INPP4B: variants seen among roughly 807,000 people sequenced by gnomAD.
The protein encoded by INPP4B is inositol polyphosphate-4-phosphatase type II B.
Under a neutral mutation model 122.5 loss-of-function variants are expected in INPP4B, and 55 were observed. That is an observed-to-expected ratio of 0.45 (90% CI 0.36 to 0.56). The LOEUF (loss-of-function observed/expected upper bound fraction) is 0.56. Among genes scored for constraint, INPP4B ranks in the 20% least tolerant of loss-of-function variants. The probability of loss-of-function intolerance (pLI) is 0.00; values close to 1 mark genes in which losing one functional copy is unlikely to be tolerated. For synonymous variants in INPP4B, 403 were observed against 388.7 expected, an observed-to-expected ratio of 1.04 and a Z score of -0.43; for missense variants, 1,000 against 1,097.7, an observed-to-expected ratio of 0.91 and a Z score of 1.26.
intron 14 of INPP4B, among the ~76,000 whole-genome samples, chr4:142,205,563 A>G (rs1032150620): frequency 6.6e-6 from 1 of 152,126 alleles, no homozygotes; most frequent in African/African-American, 2.4e-5. Context: ...CCAGTGATGG[A>G]AAATGCCACA....
intron 12 of INPP4B, among the ~76,000 whole-genome samples, chr4:142,218,849 TAGTC>T (rs1485139958): frequency 8.5e-5 from 13 of 152,178 alleles, no homozygotes; most frequent in African/African-American, 3.1e-4. Flanking sequence ...AAATACTAAA[TAGTC>T]AGTGAAGAAT....
intron 7 of INPP4B, among the ~76,000 whole-genome samples, chr4:142,325,538 A>T (rs892759780): frequency 2.4e-4 from 37 of 152,008 alleles, no homozygotes; most frequent in Non-Finnish European, 5.9e-5. Context: ...TCAAATGTCA[A>T]AGCACACTCT....
intron 2 of INPP4B, among the ~76,000 whole-genome samples, chr4:142,517,175 CT>C (rs961988779): frequency 1.4e-4 from 22 of 152,018 alleles, no homozygotes; most frequent in African/African-American, 5.3e-4. Flanking sequence ...GAGTTCCTTG[CT>C]CCCACAACAA....
At chr4:142,139,422 T>C (rs905176229) in intron 18 of INPP4B, among the ~76,000 whole-genome samples, 2 of 152,144 alleles carry the variant, frequency 1.3e-5, no homozygotes, top group Non-Finnish European at 2.9e-5. Context: ...TTCTCTAGCC[T>C]CAGCCTCCCG....
chr4:142,643,695 T>C (rs1156503667), intron 2 of INPP4B, among the ~76,000 whole-genome samples: 1 of 152,216 alleles, frequency 6.6e-6, no homozygotes, highest in Non-Finnish European at 1.5e-5. Context: ...TATTTGCCTG[T>C]ACCTTCTTCA....
intron 15 of INPP4B, among the ~76,000 whole-genome samples, chr4:142,191,918 T>C (rs1348627732): frequency 6.6e-6 from 1 of 152,168 alleles, no homozygotes; most frequent in Non-Finnish European, 1.5e-5. Context: ...GTAGTTTATA[T>C]ATTTGTATAA....
chr4:142,416,376 C>G (rs1805773838), intron 5 of INPP4B, among the ~76,000 whole-genome samples: 1 of 152,094 alleles, frequency 6.6e-6, no homozygotes, highest in African/African-American at 2.4e-5. Flanking sequence ...TTTCCCAAAC[C>G]AAAATATTCA....
At chr4:142,662,096 G>A (rs1025582644) in intron 2 of INPP4B, among the ~76,000 whole-genome samples, 3 of 152,044 alleles carry the variant, frequency 2.0e-5, no homozygotes, top group Admixed American at 2.0e-4. Flanking sequence ...TTAACCGGGC[G>A]TGGTGGCAGG....
chr4:142,038,559 T>C (rs1745374591), intron 25 of INPP4B, among the ~76,000 whole-genome samples: 1 of 152,162 alleles, frequency 6.6e-6, no homozygotes, highest in South Asian at 2.1e-4. Flanking sequence ...TTTCTTGACA[T>C]GGTATTCTAA....
intron 2 of INPP4B, among the ~76,000 whole-genome samples, chr4:142,541,735 T>C (rs1828967389): frequency 6.6e-6 from 1 of 152,180 alleles, no homozygotes; most frequent in Non-Finnish European, 1.5e-5. Context: ...GCATGAATGC[T>C]GGCTTCTCAC....
At chr4:142,145,650 T>TC (rs566274640) in intron 18 of INPP4B, among the ~76,000 whole-genome samples, 190 bp downstream of exon 18, 10 of 152,184 alleles carry the variant, frequency 6.6e-5, no homozygotes, top group East Asian at 1.9e-4. Context: ...TGCTAGCAGT[T>TC]CCGAAAACAC....
In INPP4B at chr4:142,331,514, A is replaced by G. The variant is rs1407247755; in HGVS notation, c.373-16752T>C. ...CAATCAATAGTATGAAAATACAATCATCCCCCCTCTCACATGCCAGATGAT... is the reference window on the plus strand; with the variant it reads ...CAATCAATAGTATGAAAATACAATCGTCCCCCCTCTCACATGCCAGATGAT... On this transcript the variant is annotated intron_variant, in intron 7 of 25. Coordinates refer to ENST00000262992, the MANE Select transcript of INPP4B (RefSeq NM_001101669.3). Among the ~76,000 whole-genome samples the G allele has an allele frequency of 3.3e-5, 5 of 152,184 alleles. No individual in the cohort carries two copies. In the East Asian group the frequency reaches 9.6e-4, roughly 29 times the overall value.
intron 25 of INPP4B, among the ~76,000 whole-genome samples, chr4:142,062,272 T>A (rs1040723678): frequency 6.6e-6 from 1 of 151,788 alleles, no homozygotes; most frequent in Non-Finnish European, 1.5e-5. Context: ...CACATCATCA[T>A]CACAGCACCA....
chr4:142,088,129 C>T (rs562466881), intron 23 of INPP4B, among the ~76,000 whole-genome samples: 1 of 152,046 alleles, frequency 6.6e-6, no homozygotes. Context: ...CTCTGATATA[C>T]AGGAATTTTA....
At chr4:142,434,993 C>G (rs1367691753) in intron 3 of INPP4B, among the ~76,000 whole-genome samples, 1 of 152,136 alleles carries the variant, frequency 6.6e-6, no homozygotes, top group Non-Finnish European at 1.5e-5. Context: ...GTTGGACAAG[C>G]TTAGGCTACA....
At chr4:142,680,619 C>T (rs1391262970) in intron 2 of INPP4B, among the ~76,000 whole-genome samples, 1 of 151,898 alleles carries the variant, frequency 6.6e-6, no homozygotes, top group Non-Finnish European at 1.5e-5. Context: ...TACCTGCATG[C>T]TATTTAGAAG....
chr4:142,149,213 T>C (rs1561291960), intron 17 of INPP4B, among the ~76,000 whole-genome samples: 3 of 152,178 alleles, frequency 2.0e-5, no homozygotes, highest in South Asian at 4.1e-4. Context: ...GGCCTGGCTC[T>C]CAGTAATTTT....
At chr4:142,414,614 C>T (rs1190761852) in intron 5 of INPP4B, among the ~76,000 whole-genome samples, 2 of 152,152 alleles carry the variant, frequency 1.3e-5, no homozygotes, top group African/African-American at 2.4e-5. Flanking sequence ...TGCCCTGCTC[C>T]CTTAGCTTCT....
chr4:142,079,947 A>G (rs1369652487), intron 25 of INPP4B, among the ~76,000 whole-genome samples: 1 of 152,162 alleles, frequency 6.6e-6, no homozygotes, highest in Non-Finnish European at 1.5e-5. Context: ...TCAGAGTATT[A>G]ACATTACAGC....
Sources: allele counts gnomAD v4.1 joint callset (sites outside exome capture counted in the v4.1 genomes callset), GRCh38; gene constraint gnomAD v4.1.1; transcripts MANE v1.5; gene names NCBI Gene and HGNC (gene_info 2026-07-23, HGNC 2026-07-21).